The following FRMD3 variants were observed in gnomAD, a reference collection of about 807,000 sequenced individuals.
FRMD3 encodes FERM domain containing 3, also known as FERM domain-containing protein 3.
A neutral mutation model predicts 70.2 loss-of-function variants in FRMD3; 33 were observed. The ratio of observed to expected loss-of-function variants is 0.47; its 90% CI spans 0.36 to 0.63. The LOEUF is 0.63. Among genes scored for constraint, FRMD3 ranks in the 20% least tolerant of loss-of-function variants. The pLI is 0.00. For synonymous variants in FRMD3, 279 were observed against 255.9 expected, an observed-to-expected ratio of 1.09 and a Z score of -0.86; for missense variants, 632 against 711.4, an observed-to-expected ratio of 0.89 and a Z score of 1.27.
chr9:83,278,405 C>A (rs1042872678), intron 13 of FRMD3, among the ~76,000 whole-genome samples: 1 of 152,116 alleles, frequency 6.6e-6, no homozygotes, highest in Non-Finnish European at 1.5e-5. Context: ...GGAGTGGAAG[C>A]AGAGAACCCC....
intron 1 of FRMD3, among the ~76,000 whole-genome samples, chr9:83,445,460 C>G (rs1332326415): frequency 6.6e-6 from 1 of 152,150 alleles, no homozygotes; most frequent in South Asian, 2.1e-4. Flanking sequence ...CAAAGGGCAC[C>G]GGAAGGGGCC....
At chr9:83,428,341 G>A (rs145949529) in intron 1 of FRMD3, among the ~76,000 whole-genome samples, 2,069 of 151,816 alleles carry the variant, frequency 0.014, 37 homozygotes, top group African/African-American at 0.047. Flanking sequence ...TCACACCATT[G>A]TATTCCAGCC....
chr9:83,267,726 ATAAT>A (rs1361592532), intron 13 of FRMD3, among the ~76,000 whole-genome samples: 3 of 152,222 alleles, frequency 2.0e-5, no homozygotes, highest in South Asian at 2.1e-4. Context: ...AAATTTATTA[ATAAT>A]TAATCAACTC....
rs201889196 is a variant in FRMD3, at chr9:83,348,842, T to C, written c.374+837A>G. ...CCTCCCAAAGTCACCTCCATGCCAC[T>C]AATGGTCAAGCTTACCAGAGACCCT... is the stretch of plus-strand genomic sequence containing the variant. On this transcript the variant is annotated intron_variant, in intron 4 of 13. Transcript: ENST00000304195. Among the ~76,000 whole-genome samples the C allele has an allele frequency of 3.9e-5, 6 of 152,226 alleles. No homozygotes were observed. In the East Asian group the frequency reaches 1.2e-3, roughly 29 times the overall value.
intron 1 of FRMD3, among the ~76,000 whole-genome samples, chr9:83,473,587 A>T (rs1828322340): frequency 1.3e-5 from 2 of 152,290 alleles, no homozygotes; most frequent in Admixed American, 6.5e-5. Flanking sequence ...CTATCTTAGA[A>T]ACAGAAAGTA....
At chr9:83,386,912 A>G (rs1388046670) in intron 2 of FRMD3, among the ~76,000 whole-genome samples, 1 of 152,168 alleles carries the variant, frequency 6.6e-6, no homozygotes, top group Non-Finnish European at 1.5e-5. Context: ...AAGGTTATGC[A>G]TTATTGGGAA....
intron 13 of FRMD3, among the ~76,000 whole-genome samples, chr9:83,278,326 T>C (rs1442488362): frequency 6.6e-6 from 1 of 152,036 alleles, no homozygotes; most frequent in Non-Finnish European, 1.5e-5. Flanking sequence ...CATAAGTAGA[T>C]CTGAGCTCCA....
At chr9:83,261,300 C>T (rs1832980943) in intron 13 of FRMD3, among the ~76,000 whole-genome samples, 1 of 152,156 alleles carries the variant, frequency 6.6e-6, no homozygotes, top group Non-Finnish European at 1.5e-5. Context: ...GCAGACTAAA[C>T]TCTCTCTTCT....
At chr9:83,414,784 G>A (rs1313365065) in intron 1 of FRMD3, among the ~76,000 whole-genome samples, 1 of 152,144 alleles carries the variant, frequency 6.6e-6, no homozygotes, top group Non-Finnish European at 1.5e-5. Flanking sequence ...TTCTAGTTCT[G>A]TATCTTCATG....
the FRMD3 span, among the ~76,000 whole-genome samples, chr9:83,563,333 G>C: frequency 1.3e-5 from 2 of 152,192 alleles, no homozygotes; most frequent in Non-Finnish European, 2.9e-5. Flanking sequence ...GTGGGGGACT[G>C]TTCTCCCAGT....
At chr9:83,568,355 A>G in the FRMD3 span, among the ~76,000 whole-genome samples, 1 of 152,240 alleles carries the variant, frequency 6.6e-6, no homozygotes, top group Non-Finnish European at 1.5e-5. Flanking sequence ...AGGAGTATGT[A>G]GAAATATGAC....
At chr9:83,452,470 G>GT (rs1248619701) in intron 1 of FRMD3, among the ~76,000 whole-genome samples, 1 of 60,930 alleles carries the variant, frequency 1.6e-5, no homozygotes, top group East Asian at 7.1e-4. Context: ...TAATGCTTGA[G>GT]TTGTTTTTTT....
chr9:83,294,586 C>CT (rs1260026681), intron 12 of FRMD3, among the ~76,000 whole-genome samples: 1 of 152,174 alleles, frequency 6.6e-6, no homozygotes, highest in African/African-American at 2.4e-5. Context: ...TTTACCTCAT[C>CT]TTTTTCTCTT....
chr9:83,395,275 TAA>T lies in FRMD3; in HGVS notation c.148-5569_148-5568del, dbSNP rs11322008. On this transcript the variant is annotated intron_variant, in intron 1 of 13. Coordinates refer to ENST00000304195, the MANE Select transcript of FRMD3 (RefSeq NM_174938.6). ...CTCCCAGAACTGTCCTCTATAGATT[TAA>T]AAAAAAAAAAAAAAGGGAACAAAAA... 5.8e-3 allele frequency among the ~76,000 whole-genome samples: 821 copies of T among 142,248 alleles called. 8 individuals are homozygous for T. Among genetic ancestry groups the T allele is most frequent in the East Asian group, 0.023 (117 of 4,994 alleles). 93.3% of individuals were successfully genotyped at this position (142,248 alleles called of 152,430 possible).
intron 1 of FRMD3, among the ~76,000 whole-genome samples, chr9:83,513,562 T>C (rs566229243): frequency 6.6e-6 from 1 of 152,364 alleles, no homozygotes; most frequent in Non-Finnish European, 1.5e-5. Context: ...TTAATCATTA[T>C]ATGTCCTTTA....
intron 1 of FRMD3, among the ~76,000 whole-genome samples, chr9:83,406,339 T>C (rs996841557): frequency 2.6e-5 from 4 of 152,218 alleles, no homozygotes; most frequent in African/African-American, 9.7e-5. Flanking sequence ...AGTCAAAGGC[T>C]ACTAGAGCCA....
chr9:83,578,081 T>C, the FRMD3 span, among the ~76,000 whole-genome samples: 9 of 151,092 alleles, frequency 6.0e-5, no homozygotes, highest in South Asian at 2.1e-4. Flanking sequence ...CTAGAAGAAA[T>C]AGATAAATTT....
At chr9:83,500,800 CGAGGAA>C (rs1829052025) in intron 1 of FRMD3, among the ~76,000 whole-genome samples, 3 of 151,898 alleles carry the variant, frequency 2.0e-5, no homozygotes, top group Non-Finnish European at 2.9e-5. Context: ...AGTTTGGAGG[CGAGGAA>C]AAGAGTGGAG....
chr9:83,433,278 G>A (rs1199436747), intron 1 of FRMD3, among the ~76,000 whole-genome samples: 3 of 152,200 alleles, frequency 2.0e-5, no homozygotes, highest in Non-Finnish European at 4.4e-5. Flanking sequence ...AAGAACATTG[G>A]TGGAAGTGAA....
Sources: gnomAD v4.1 joint callset for allele counts (sites outside exome capture counted in the v4.1 genomes callset) on GRCh38, gnomAD v4.1.1 for gene constraint, MANE v1.5 for transcripts, NCBI Gene and HGNC (gene_info 2026-07-23, HGNC 2026-07-21) for gene names.